The following NGLY1 variants were observed in gnomAD, a reference collection of about 807,000 sequenced individuals.
NGLY1 encodes N-glycanase 1, also known as peptide-N(4)-(N-acetyl-beta-glucosaminyl)asparagine amidase.
A neutral mutation model predicts 84.6 loss-of-function variants in NGLY1; 68 were observed. The observed-to-expected ratio is 0.80, with a 90% CI of 0.66 to 0.98. The LOEUF (loss-of-function observed/expected upper bound fraction) is 0.98, where lower values mean the gene tolerates loss of function less well. Among genes scored for constraint, NGLY1 ranks in the 50% least tolerant of loss-of-function variants. NGLY1 has a pLI of 0.00. For synonymous variants in NGLY1, 280 were observed against 275.2 expected (o/e 1.02, Z -0.17); for missense variants, 779 against 770.2 (o/e 1.01, Z -0.14).
intron 2 of NGLY1, among the ~76,000 whole-genome samples, chr3:25,773,289 C>T (rs1358359796): frequency 2.0e-5 from 3 of 152,054 alleles, no homozygotes; most frequent in African/African-American, 7.2e-5. Flanking sequence ...GGTCATTTAA[C>T]ATAATCCCAA....
In NGLY1 at chr3:25,736,082, A is replaced by T; in HGVS notation, c.1071T>A (p.Asp357Glu). ...QRWLHCDACEDVCDKPLLYEI... is the reference protein window; with the variant it reads ...QRWLHCDACEEVCDKPLLYEI... Reference sequence around the variant, plus strand: ...CATAAAGGAGTGGCTTGTCACAGACATCTTCACATGCATCACAGTGCAGCC... The same window carrying T: ...CATAAAGGAGTGGCTTGTCACAGACTTCTTCACATGCATCACAGTGCAGCC... Residue 357 changes from aspartate to glutamate, a missense_variant, in exon 7 of 12, where the codon GAT (aspartate) becomes GAA (glutamate). Physicochemically the swap from Asp to Glu is conservative, Grantham distance 45. Transcript: ENST00000280700. 1 of 1,613,934 alleles carries T rather than the reference A, an allele frequency of 6.2e-7. No individual in the cohort carries two copies. Among genetic ancestry groups the T allele is most frequent in the Non-Finnish European group, 8.5e-7 (1 of 1,179,918 alleles).
intron 4 of NGLY1, among the ~76,000 whole-genome samples, chr3:25,745,937 C>T (rs1477598546): frequency 6.6e-6 from 1 of 152,194 alleles, no homozygotes; most frequent in East Asian, 1.9e-4. Flanking sequence ...CACAATATAA[C>T]ATTAGTCTTT....
At chr3:25,745,244 T>A (rs1289792290) in intron 4 of NGLY1, among the ~76,000 whole-genome samples, 2 of 152,218 alleles carry the variant, frequency 1.3e-5, no homozygotes, top group Non-Finnish European at 2.9e-5. Context: ...ACTGAAGAAC[T>A]TGATTTTTCA....
At chr3:25,736,504 G>A (rs1039657177) in intron 6 of NGLY1, 2 of 812,120 alleles carry the variant, frequency 2.5e-6, no homozygotes, top group Non-Finnish European at 3.9e-6. Context: ...CTCTCTCTCT[G>A]GACTTTAAGG....
rs370175393 is a variant in NGLY1 at position 25,739,589 on chromosome 3, T to C, written c.869A>G (p.Asn290Ser). ...CCAGGGCACCCACCTTGGGAATCGA[T>C]TGCTGAACTGGCAGGCATCACAGTA... ...DHYCDACQFSNRFPRYNNPEK... is the reference protein window; with the variant it reads ...DHYCDACQFSSRFPRYNNPEK... Residue 290 changes from asparagine (N) to serine (S), a missense_variant, in exon 5 of 12, where the codon AAT becomes AGT. Coordinates refer to ENST00000280700, the MANE Select transcript of NGLY1 (RefSeq NM_018297.4). The C allele has an allele frequency of 3.4e-4, 556 of 1,614,112 alleles. 3 individuals are homozygous for C. Among genetic ancestry groups the C allele is most frequent in the Middle Eastern group, 1.3e-3 (8 of 6,062 alleles).
At chr3:25,764,808 A>G (rs150302619) in intron 2 of NGLY1, among the ~76,000 whole-genome samples, 102 of 152,362 alleles carry the variant, frequency 6.7e-4, no homozygotes, top group Admixed American at 3.5e-3. Context: ...GAGTCTTTAA[A>G]GAATAGCTAC....
chr3:25,734,043 T>C, intron 7 of NGLY1, 61 bp from the exon 8 acceptor site: 8 of 1,586,654 alleles, frequency 5.0e-6, no homozygotes, highest in Non-Finnish European at 6.9e-6. Context: ...CTTTACTTAC[T>C]AAATACCTAG....
chr3:25,728,749 A>T (rs929093413), intron 10 of NGLY1, among the ~76,000 whole-genome samples: 6 of 152,066 alleles, frequency 3.9e-5, no homozygotes, highest in Non-Finnish European at 7.4e-5. Context: ...CCTGTATTTA[A>T]TGGGCAATCA....
chr3:25,726,319 T>C (rs901564846), intron 10 of NGLY1, among the ~76,000 whole-genome samples: 2 of 152,120 alleles, frequency 1.3e-5, no homozygotes, highest in Admixed American at 1.3e-4. Flanking sequence ...CAAAAGTGAG[T>C]AGAAAAAGAC....
chr3:25,753,957 A>G (rs1706895104), intron 3 of NGLY1, among the ~76,000 whole-genome samples: 1 of 152,212 alleles, frequency 6.6e-6, no homozygotes, highest in Admixed American at 6.5e-5. Context: ...CAAGACAGAC[A>G]TGATCAATTT....
intron 4 of NGLY1, among the ~76,000 whole-genome samples, chr3:25,747,022 G>A (rs970719224): frequency 2.6e-5 from 4 of 152,120 alleles, no homozygotes; most frequent in African/African-American, 9.7e-5. Context: ...TTTTAGTACA[G>A]ACGGGGTTTC....
chr3:25,782,308 A>G (rs1708456061), intron 1 of NGLY1, among the ~76,000 whole-genome samples: 1 of 152,120 alleles, frequency 6.6e-6, no homozygotes, highest in African/African-American at 2.4e-5. Context: ...TATACCAAAC[A>G]CTTAATGCAC....
At chr3:25,735,376 A>C (rs928980056) in intron 7 of NGLY1, 13 of 152,200 alleles carry the variant, frequency 8.5e-5, no homozygotes, top group African/African-American at 3.1e-4. Context: ...CACAATACCC[A>C]ATTAAAAAAA....
intron 2 of NGLY1, among the ~76,000 whole-genome samples, chr3:25,774,587 C>G (rs1044369678): frequency 1.3e-5 from 2 of 152,082 alleles, no homozygotes; most frequent in African/African-American, 4.8e-5. Context: ...CCAGCAATAA[C>G]AGGCCATACC....
At position 25,739,602 on chromosome 3, in the gene NGLY1, AGGC is replaced by A; in HGVS notation, c.853_855del (p.Ala285del). On this transcript the variant is annotated inframe_deletion, in exon 5 of 12. Transcript: ENST00000280700. ...CTTGGGAATCGATTGCTGAACTGGC[AGGC>A]ATCACAGTAATGATCTTCCACTTCC... 1 of 1,614,134 alleles carries A rather than the reference AGGC, an allele frequency of 6.2e-7. No homozygotes were observed. The highest frequency in any genetic ancestry group is 2.2e-5 in the East Asian group (1 of 44,870).
Position 25,732,378 on chromosome 3 carries a change from C to T in NGLY1, c.1366G>A (p.Gly456Arg). Residue 456 changes from glycine to arginine, a missense_variant, in exon 9 of 12, where the codon GGG (glycine) becomes AGG (arginine). Gly to Arg is a moderately radical substitution (Grantham distance 125). Transcript: ENST00000280700. ...SPKTPKPGEL[G>R]GRISGSVAWR... Reference sequence around the variant, plus strand: ...GCCACTGACCCAGATATTCTTCCCCCAAGTTCTCCAGGTTTAGGGGTTTTG... The same window carrying T: ...GCCACTGACCCAGATATTCTTCCCCTAAGTTCTCCAGGTTTAGGGGTTTTG... 1 of 1,613,820 alleles carries T rather than the reference C, an allele frequency of 6.2e-7. No homozygotes were observed. Among genetic ancestry groups the T allele is most frequent in the Non-Finnish European group, 8.5e-7 (1 of 1,179,782 alleles).
chr3:25,759,041 T>C (rs1426968354), intron 3 of NGLY1, among the ~76,000 whole-genome samples: 2 of 152,194 alleles, frequency 1.3e-5, no homozygotes. Context: ...AAATGAAAAC[T>C]GGCCTAAAAC....
At position 25,751,197 on chromosome 3, in the gene NGLY1, T is replaced by A. The variant is rs1473246525; in HGVS notation, c.559A>T (p.Asn187Tyr). ...AACGCTTTCTCCTGAAGAGCAGGAT[T>A]TTCATAGACCAGCACATGCTGAATG... is the stretch of plus-strand genomic sequence containing the variant. ...SNIQHVLVYE[N>Y]PALQEKALAC... The change falls in exon 4 of 12, where the codon AAT becomes TAT. Residue 187 changes from asparagine (N) to tyrosine (Y), a missense_variant. Coordinates refer to ENST00000280700, the MANE Select transcript of NGLY1 (RefSeq NM_018297.4). 3.1e-6 allele frequency: 5 copies of A among 1,613,704 alleles called. No homozygotes were observed. The highest frequency in any genetic ancestry group is 2.2e-5 in the South Asian group (2 of 91,032).
chr3:25,747,514 A>C (rs1399664516), intron 4 of NGLY1, among the ~76,000 whole-genome samples: 2 of 152,242 alleles, frequency 1.3e-5, no homozygotes, highest in Non-Finnish European at 2.9e-5. Flanking sequence ...AAAGGGTAGC[A>C]AAATATATAA....
Sources: gnomAD v4.1 joint callset for allele counts (sites outside exome capture counted in the v4.1 genomes callset) on GRCh38, gnomAD v4.1.1 for gene constraint, MANE v1.5 for transcripts, NCBI Gene and HGNC (gene_info 2026-07-23, HGNC 2026-07-21) for gene names.